The following C3orf70 variants were observed in gnomAD, a reference collection of about 807,000 sequenced individuals.
C3orf70 encodes chromosome 3 open reading frame 70.
Under a neutral mutation model 20.7 loss-of-function variants are expected in C3orf70, and 15 were observed. The observed-to-expected ratio is 0.72, with a 90% confidence interval of 0.48 to 1.11. The LOEUF (loss-of-function observed/expected upper bound fraction) is 1.11. Ranked by LOEUF, C3orf70 falls within the 50% of genes most tolerant of loss-of-function variation. The pLI, the probability that C3orf70 is intolerant of heterozygous loss-of-function variation, is 0.00. For synonymous variants in C3orf70, 161 were observed against 125.7 expected (o/e 1.28, Z -1.88); for missense variants, 332 against 317.6 (o/e 1.05, Z -0.34).
intron 1 of C3orf70, among the ~76,000 whole-genome samples, chr3:185,106,174 G>C (rs951865544): frequency 1.3e-5 from 2 of 152,174 alleles, no homozygotes; most frequent in Admixed American, 6.5e-5. Context: ...CAGCAAGCTA[G>C]ATGAGAGAGT....
At chr3:185,117,418 TACACACACACACACAC>T (rs141665642) in intron 1 of C3orf70, among the ~76,000 whole-genome samples, 1 of 135,112 alleles carries the variant, frequency 7.4e-6, no homozygotes, top group Admixed American at 7.2e-5. Context: ...ACCACACACA[TACACACACACACACAC>T]ACACACACAC....
At chr3:185,096,880 G>T in intron 1 of C3orf70, among the ~76,000 whole-genome samples, 1 of 152,124 alleles carries the variant, frequency 6.6e-6, no homozygotes, top group East Asian at 1.9e-4. Context: ...GCCGCTTCCT[G>T]CTTGCCAAGC....
chr3:185,107,661 A>G (rs532276586), intron 1 of C3orf70, among the ~76,000 whole-genome samples: 168 of 152,352 alleles, frequency 1.1e-3, no homozygotes, highest in Middle Eastern at 3.4e-3. Context: ...GAAAATGGGC[A>G]CATAGCTCCA....
chr3:185,095,598 C>G (rs1206918925), intron 1 of C3orf70, among the ~76,000 whole-genome samples: 2 of 152,148 alleles, frequency 1.3e-5, no homozygotes, highest in African/African-American at 4.8e-5. Flanking sequence ...GTGCTCAGCA[C>G]AGGAACTCAG....
chr3:185,110,246 G>A (rs557683994), intron 1 of C3orf70, among the ~76,000 whole-genome samples: 5 of 152,166 alleles, frequency 3.3e-5, no homozygotes, highest in African/African-American at 9.7e-5. Flanking sequence ...CTTGTCTTTG[G>A]CTATTGCAAA....
chr3:185,098,068 A>T (rs940006064), intron 1 of C3orf70, among the ~76,000 whole-genome samples: 1 of 152,202 alleles, frequency 6.6e-6, no homozygotes, highest in Admixed American at 6.5e-5. Context: ...CCACCAGCAC[A>T]AACATAACCC....
At position 185,079,306 on chromosome 3, in the gene C3orf70, T is replaced by TAAAAAAAA. The variant is rs1321535800; in HGVS notation, c.*3700_*3701insTTTTTTTT. 3.1e-4 allele frequency: 38 copies of TAAAAAAAA among 122,776 alleles called. No homozygotes were observed. Among genetic ancestry groups the TAAAAAAAA allele is most frequent in the African/African-American group, 1.2e-3 (34 of 28,506 alleles). 7.6% of individuals were successfully genotyped at this position (122,776 alleles called of 1,614,324 possible). On this transcript the variant is annotated 3_prime_UTR_variant, in exon 2 of 2. Coordinates refer to ENST00000335012, the MANE Select transcript of C3orf70 (RefSeq NM_001025266.3). ...AAAAAAAAAAAAAAAAAAAAAAAAG[T>TAAAAAAAA]AAAGCCACCACTCCCAAGATAGAAT...
At position 185,152,865 on chromosome 3, in the gene C3orf70, G is replaced by A. The variant is rs1191610927; in HGVS notation, c.-42C>T. ...CGGAGCCGACACCGGGAGCCCGGGA[G>A]AAGCGACGTCTGGGTGGGCAGGAAG... is the stretch of plus-strand genomic sequence containing the variant. On this transcript the variant is annotated 5_prime_UTR_variant, in exon 1 of 2. Coordinates refer to ENST00000335012, the MANE Select transcript of C3orf70 (RefSeq NM_001025266.3). The A allele has an allele frequency of 6.8e-7, 1 of 1,461,882 alleles. No individual in the cohort carries two copies. Among genetic ancestry groups the A allele is most frequent in the Admixed American group, 2.2e-5 (1 of 45,902 alleles). 90.6% of individuals were successfully genotyped at this position (1,461,882 alleles called of 1,614,324 possible). A position where few individuals can be genotyped will look rare whatever the true frequency, so the allele number is the denominator to read the frequency against.
intron 1 of C3orf70, among the ~76,000 whole-genome samples, chr3:185,106,613 G>A (rs572801261): frequency 4.6e-5 from 7 of 152,350 alleles, no homozygotes; most frequent in South Asian, 2.1e-4. Context: ...ATGAGGGCCC[G>A]TCCCAGGCCC....
At chr3:185,086,570 G>C (rs937291657) in intron 1 of C3orf70, among the ~76,000 whole-genome samples, 1 of 152,174 alleles carries the variant, frequency 6.6e-6, no homozygotes, top group Non-Finnish European at 1.5e-5. Context: ...CTCACTCTTA[G>C]AATTCTCAGC....
chr3:185,123,178 CAAAAA>C (rs34803531), intron 1 of C3orf70, among the ~76,000 whole-genome samples: 2,646 of 91,274 alleles, frequency 0.029, 85 homozygotes, highest in African/African-American at 0.12. Context: ...GACTCCATCT[CAAAAA>C]AAAAAAAAAA....
rs1715340210 is a variant in C3orf70, at chr3:185,081,640, C to G, written c.*1367G>C. ...GGAGAAATAGCAGTTAACTGACTCA[C>G]AAGAATACCTGGTATAAATGGAGAG... On this transcript the variant is annotated 3_prime_UTR_variant, in exon 2 of 2. Coordinates refer to ENST00000335012, the MANE Select transcript of C3orf70 (RefSeq NM_001025266.3). The G allele has an allele frequency of 6.6e-6, 1 of 152,384 alleles. No homozygotes were observed. Among genetic ancestry groups the G allele is most frequent in the African/African-American group, 2.4e-5 (1 of 41,390 alleles). The allele number at this position is 152,384 out of a possible 1,614,324, so 9.4% of individuals were successfully genotyped here.
rs574353404 is a variant in C3orf70 at position 185,136,981 on chromosome 3, C to T, written c.196+15647G>A. On this transcript the variant is annotated intron_variant, in intron 1 of 1. Transcript: ENST00000335012. ...AAATATCTGTGGGTAAACTAACAGA[C>T]TTGAAAAGACGAACCCACAATTTAC... 2.0e-5 allele frequency among the ~76,000 whole-genome samples: 3 copies of T among 152,226 alleles called. No homozygotes were observed. In the South Asian group the frequency reaches 6.2e-4, roughly 32 times the overall value.
At chr3:185,091,948 TATATATATATATATA>T (rs1403617083) in intron 1 of C3orf70, among the ~76,000 whole-genome samples, 29 of 5,240 alleles carry the variant, frequency 5.5e-3, no homozygotes, top group Middle Eastern at 0.071. Context: ...TATATATATA[TATATATATATATATA>T]TTTTTTTTTT....
chr3:185,083,614 A>G, intron 1 of C3orf70, 51 bp from the exon 2 acceptor site: 1 of 1,462,428 alleles, frequency 6.8e-7, no homozygotes, highest in Non-Finnish European at 9.1e-7. Context: ...AAACTATATT[A>G]ACATGGCCAT....
intron 1 of C3orf70, among the ~76,000 whole-genome samples, chr3:185,110,554 C>G (rs560974738): frequency 1.5e-4 from 23 of 152,088 alleles, no homozygotes; most frequent in African/African-American, 5.6e-4. Flanking sequence ...CAGGCCCCCC[C>G]TCAAAATCTG....
chr3:185,092,218 T>C (rs895373940), intron 1 of C3orf70, among the ~76,000 whole-genome samples: 26 of 152,214 alleles, frequency 1.7e-4, no homozygotes, highest in Middle Eastern at 3.4e-3. Context: ...TTCAAAGCAG[T>C]AACTCAGTAT....
At chr3:185,093,810 G>C (rs935355011) in intron 1 of C3orf70, among the ~76,000 whole-genome samples, 23 of 152,006 alleles carry the variant, frequency 1.5e-4, no homozygotes, top group Non-Finnish European at 2.4e-4. Flanking sequence ...CTGAGGGATG[G>C]TGAGGTGACT....
chr3:185,142,963 G>C (rs929740789), intron 1 of C3orf70, among the ~76,000 whole-genome samples: 2 of 152,142 alleles, frequency 1.3e-5, no homozygotes, highest in African/African-American at 4.8e-5. Context: ...GATTGCTTTA[G>C]AGTGATTAAA....
Sources: gnomAD v4.1 joint callset for allele counts (sites outside exome capture counted in the v4.1 genomes callset) on GRCh38, gnomAD v4.1.1 for gene constraint, MANE v1.5 for transcripts, NCBI Gene and HGNC (gene_info 2026-07-23, HGNC 2026-07-21) for gene names.